Variants in LIMCH1 observed in about 807,000 individuals in gnomAD.
The protein encoded by LIMCH1 is LIM and calponin homology domains-containing protein 1.
Under a neutral mutation model 176.5 loss-of-function variants are expected in LIMCH1, and 113 were observed. That is an observed-to-expected ratio of 0.64 (90% CI 0.55 to 0.75). LIMCH1 has a LOEUF of 0.75. Ranked by LOEUF, LIMCH1 falls within the 30% of genes least tolerant of loss-of-function variation. LIMCH1 has a pLI of 0.00. For synonymous variants in LIMCH1, 619 were observed against 645.9 expected (o/e 0.96, Z 0.63); for missense variants, 1,674 against 1,814.9 (o/e 0.92, Z 1.41).
At position 41,629,711 on chromosome 4, in the gene LIMCH1, A is replaced by T; in HGVS notation, c.1248A>T (p.Arg416Ser). The T allele has an allele frequency of 6.5e-7, 1 of 1,535,690 alleles. No homozygotes were observed. Residue 416 changes from arginine (R) to serine (S), a missense_variant, in exon 9 of 32, where the codon AGA (arginine) becomes AGT (serine). Physicochemically the swap from Arg to Ser is moderately radical, Grantham distance 110. Coordinates refer to ENST00000503057, the MANE Select transcript of LIMCH1 (RefSeq NM_001330672.2). ...ITEADLETWERLKVSEKARDG... is the reference protein window; with the variant it reads ...ITEADLETWESLKVSEKARDG... The stretch of plus-strand genomic sequence containing the variant: ...AAGCTGACTTGGAGACGTGGGAGAG[A>T]CTCAAAGTGTCAGAAAAGGCGAGGT...
At chr4:41,602,573 G>A (rs949310993) in intron 2 of LIMCH1, among the ~76,000 whole-genome samples, 10 of 152,106 alleles carry the variant, frequency 6.6e-5, no homozygotes, top group Admixed American at 6.5e-4. Flanking sequence ...AACCCTAGCA[G>A]ATTGGGAGGC....
chr4:41,502,756 A>G (rs557333086), intron 2 of LIMCH1, among the ~76,000 whole-genome samples: 1 of 152,140 alleles, frequency 6.6e-6, no homozygotes, highest in Non-Finnish European at 1.5e-5. Flanking sequence ...GTCTACATTT[A>G]AAGATGAGGT....
At chr4:41,422,690 T>A (rs1197137078) in intron 1 of LIMCH1, among the ~76,000 whole-genome samples, 1 of 152,160 alleles carries the variant, frequency 6.6e-6, no homozygotes. Context: ...CTGTTTAGCT[T>A]GTGTGGCCAG....
intron 2 of LIMCH1, among the ~76,000 whole-genome samples, chr4:41,514,916 CAA>C (rs1271391395): frequency 7.2e-5 from 11 of 152,208 alleles, no homozygotes; most frequent in Admixed American, 1.3e-4. Context: ...GTTCGCTTCA[CAA>C]AGTCTTATGT....
At chr4:41,680,879 C>T (rs1053784362) in intron 24 of LIMCH1, 76 bp from the exon 25 acceptor site, 1 of 778,680 alleles carries the variant, frequency 1.3e-6, no homozygotes, top group Non-Finnish European at 2.2e-6. Flanking sequence ...TTCTAAAGTG[C>T]CTTAATGACA....
At chr4:41,435,070 T>C (rs77248667) in intron 1 of LIMCH1, among the ~76,000 whole-genome samples, 1,566 of 152,282 alleles carry the variant, frequency 0.01, 30 homozygotes, top group African/African-American at 0.035. Context: ...TCAAGGATCC[T>C]GAGATGGGGA....
At chr4:41,516,973 T>A (rs2075643478) in intron 2 of LIMCH1, among the ~76,000 whole-genome samples, 1 of 152,148 alleles carries the variant, frequency 6.6e-6, no homozygotes, top group African/African-American at 2.4e-5. Flanking sequence ...GTCAAGATAG[T>A]GCTAGGTGCT....
In LIMCH1 at chr4:41,366,617, A is replaced by G. The variant is rs190859833; in HGVS notation, c.96+5681A>G. 2.0e-3 allele frequency among the ~76,000 whole-genome samples: 301 copies of G among 152,312 alleles called. 1 individual carries two copies. Among genetic ancestry groups the G allele is most frequent in the African/African-American group, 5.9e-3 (244 of 41,562 alleles). ...TTGGTTTTAAGTGATTGAGAAATAT[A>G]AAAATAGCCTAAACTAGAGGGCTAA... On this transcript the variant is annotated intron_variant, in intron 1 of 26. Transcript: ENST00000313860.
chr4:41,619,309 G>A lies in LIMCH1; in HGVS notation c.327G>A (p.Gln109=). Residue 109 remains glutamine (Q), a synonymous_variant, in exon 6 of 32, where the codon CAG becomes CAA. Transcript: ENST00000503057. ...CGAAATCAGCAGTGCCTTTTAACCA[G>A]TACCTCCCGAACAAAAGCAATCAGA... ...GEPKSAVPFN[Q]YLPNKSNQTA... is the part of the protein sequence containing the mutation. 1 of 1,614,200 alleles carries A rather than the reference G, an allele frequency of 6.2e-7. No homozygotes were observed. The highest frequency in any genetic ancestry group is 8.5e-7 in the Non-Finnish European group (1 of 1,180,046).
chr4:41,478,573 C>G (rs910172291), intron 1 of LIMCH1, among the ~76,000 whole-genome samples: 6 of 152,170 alleles, frequency 3.9e-5, no homozygotes, highest in Non-Finnish European at 8.8e-5. Context: ...ACTTTGGATT[C>G]TTACCTAAAA....
At chr4:41,562,110 G>C (rs2082144159) in intron 1 of LIMCH1, among the ~76,000 whole-genome samples, 2 of 152,090 alleles carry the variant, frequency 1.3e-5, no homozygotes. Flanking sequence ...AGGTGTTCCT[G>C]GTGCCAGGGC....
chr4:41,655,112 G>A (rs769501120), intron 18 of LIMCH1, among the ~76,000 whole-genome samples: 19 of 152,074 alleles, frequency 1.2e-4, no homozygotes, highest in Non-Finnish European at 2.4e-4. Context: ...TTCCAGTGTT[G>A]TCTTGATTCA....
Position 41,629,506 on chromosome 4 carries a change from C to G in LIMCH1, c.1043C>G (p.Thr348Arg). ...SLEYKRNQGH[T>R]EEVKLIVTCN... ...CAAATGGACAGAAACCAGGGCCACA[C>G]AGAAGAGGTGAAGTTGATAGTGACC... Residue 348 changes from threonine (T) to arginine (R), a missense_variant, in exon 9 of 32, where the codon ACA becomes AGA. Physicochemically the swap from Thr to Arg is moderately conservative, Grantham distance 71. Around this residue, in one of 3 missense-constraint regions of LIMCH1, gnomAD observed 655 missense variants for 692.2 expected, o/e 0.95. Transcript: ENST00000503057. The G allele has an allele frequency of 6.5e-7, 1 of 1,535,994 alleles. No homozygotes were observed. The highest frequency in any genetic ancestry group is 8.7e-7 in the Non-Finnish European group (1 of 1,146,878).
chr4:41,373,843 G>A (rs923680079), intron 1 of LIMCH1, among the ~76,000 whole-genome samples: 1 of 152,134 alleles, frequency 6.6e-6, no homozygotes, highest in African/African-American at 2.4e-5. Flanking sequence ...GAGGTGACTG[G>A]ATCATGGGGG....
intron 4 of LIMCH1, among the ~76,000 whole-genome samples, 199 bp from the exon 5 acceptor site, chr4:41,613,267 A>G (rs554139818): frequency 6.6e-6 from 1 of 151,242 alleles, no homozygotes; most frequent in African/African-American, 2.4e-5. Flanking sequence ...TGATTTTCTG[A>G]TTGGGAAAGT....
At chr4:41,429,610 T>A (rs1485975264) in intron 1 of LIMCH1, among the ~76,000 whole-genome samples, 1 of 152,202 alleles carries the variant, frequency 6.6e-6, no homozygotes, top group Non-Finnish European at 1.5e-5. Flanking sequence ...GATGGTGAGG[T>A]CCGCAGAAGT....
intron 1 of LIMCH1, among the ~76,000 whole-genome samples, chr4:41,446,332 G>A (rs2063285634): frequency 6.6e-6 from 1 of 152,154 alleles, no homozygotes; most frequent in Non-Finnish European, 1.5e-5. Flanking sequence ...AAACCTCTGA[G>A]TCTATTAGTG....
intron 14 of LIMCH1, among the ~76,000 whole-genome samples, chr4:41,642,737 C>CTTTTTTTTT (rs368906535): frequency 3.7e-5 from 5 of 136,414 alleles, no homozygotes; most frequent in East Asian, 2.1e-4. Context: ...TTTCTTTTTT[C>CTTTTTTTTT]TTTTTTTTTT....
intron 1 of LIMCH1, among the ~76,000 whole-genome samples, chr4:41,547,647 T>C (rs2079661932): frequency 6.8e-6 from 1 of 146,642 alleles, no homozygotes; most frequent in African/African-American, 2.5e-5. Context: ...ACATATATAA[T>C]ATATACAGAT....
Sources: gnomAD v4.1 joint callset for allele counts (sites outside exome capture counted in the v4.1 genomes callset) on GRCh38, gnomAD v4.1.1 for gene constraint, gnomAD v4.1.1 regional missense constraint, MANE v1.5 for transcripts, NCBI Gene and HGNC (gene_info 2026-07-23, HGNC 2026-07-21) for gene names.